RBM33: variants seen among roughly 807,000 people sequenced by gnomAD.
RBM33 encodes the protein RNA-binding protein 33.
RBM33 carries 28 observed loss-of-function variants against 132.6 expected under a neutral mutation model. That is an observed-to-expected ratio of 0.21 (90% CI 0.16 to 0.29). RBM33 has a LOEUF of 0.29. Ranked by LOEUF, RBM33 falls within the 10% of genes least tolerant of loss-of-function variation. The pLI, the probability that RBM33 is intolerant of heterozygous loss-of-function variation, is 1.00. For missense variants in RBM33, 1,291 were observed against 1,518.5 expected (o/e 0.85, Z 2.49); for synonymous variants, 634 against 593.0 (o/e 1.07, Z -1.01).
chr7:155,757,589 C>G (rs539311649), intron 14 of RBM33, among the ~76,000 whole-genome samples: 1 of 152,194 alleles, frequency 6.6e-6, no homozygotes, highest in South Asian at 2.1e-4. Flanking sequence ...CAAAGATGTT[C>G]CAGCGCTTAT....
chr7:155,718,968 C>CA (rs370977112), intron 9 of RBM33, among the ~76,000 whole-genome samples: 4 of 151,692 alleles, frequency 2.6e-5, no homozygotes, highest in Non-Finnish European at 5.9e-5. Flanking sequence ...CTCTCTCTCT[C>CA]ACACACACAC....
At chr7:155,692,020 C>T (rs1406706286) in intron 5 of RBM33, among the ~76,000 whole-genome samples, 1 of 146,504 alleles carries the variant, frequency 6.8e-6, no homozygotes, top group Middle Eastern at 3.5e-3. Context: ...CACTGCCCTC[C>T]AGTTTGGGTG....
chr7:155,751,337 A>T (rs2117046409), intron 14 of RBM33, among the ~76,000 whole-genome samples: 1 of 152,340 alleles, frequency 6.6e-6, no homozygotes, highest in South Asian at 2.1e-4. Flanking sequence ...GATTCAGCAC[A>T]CAGATACTCT....
In RBM33 at chr7:155,706,710, G is replaced by C. The variant is rs144128213; in HGVS notation, c.740-150G>C. On this transcript the variant is annotated intron_variant, in intron 6 of 17. Coordinates refer to ENST00000401878, the MANE Select transcript of RBM33 (RefSeq NM_053043.3). ...GGTTGTGTGTGTTGCTGGTTGTATC[G>C]TACTTGCCGCTGCTAGTTGGGTGTT... The C allele has an allele frequency of 1.1e-4, 66 of 616,934 alleles. No homozygotes were observed. The East Asian group carries it at 1.8e-3, about 16-fold the overall frequency. 38.2% of individuals were successfully genotyped at this position (616,934 alleles called of 1,614,324 possible). A position where few individuals can be genotyped will look rare whatever the true frequency, so the allele number is the denominator to read the frequency against.
rs1435733908 is a variant in RBM33 at position 155,775,222 on chromosome 7, C to CA, written c.*182dup. 3.4e-5 allele frequency: 24 copies of CA among 704,542 alleles called. No homozygotes were observed. The highest frequency in any genetic ancestry group is 7.0e-4 in the Middle Eastern group (2 of 2,870). 43.6% of individuals were successfully genotyped at this position (704,542 alleles called of 1,614,324 possible). A position where few individuals can be genotyped will look rare whatever the true frequency, so the allele number is the denominator to read the frequency against. ...TTCCAGAGGAGCCGAACTGACAGGA[C>CA]ACAGCAGGCTGGAGTTGGTGTTAGA... is the stretch of plus-strand genomic sequence containing the variant. On this transcript the variant is annotated 3_prime_UTR_variant, in exon 18 of 18. Coordinates refer to ENST00000401878, the MANE Select transcript of RBM33 (RefSeq NM_053043.3).
intron 9 of RBM33, among the ~76,000 whole-genome samples, chr7:155,730,765 C>T (rs1335607848): frequency 6.6e-6 from 1 of 152,164 alleles, no homozygotes; most frequent in Non-Finnish European, 1.5e-5. Flanking sequence ...AGAGAATTTT[C>T]GGGGCTTTGT....
chr7:155,676,696 C>T (rs1276768774), intron 3 of RBM33, among the ~76,000 whole-genome samples: 1 of 152,192 alleles, frequency 6.6e-6, no homozygotes, highest in East Asian at 1.9e-4. Flanking sequence ...GCAGAACCCC[C>T]TGGAGCCCGA....
intron 1 of RBM33, among the ~76,000 whole-genome samples, chr7:155,653,377 T>TA (rs1230220533): frequency 6.6e-6 from 1 of 152,104 alleles, no homozygotes; most frequent in Non-Finnish European, 1.5e-5. Context: ...TGTGGTATGA[T>TA]AAAAAATGAA....
chr7:155,680,658 A>C lies in RBM33; in HGVS notation c.317A>C (p.Asn106Thr). The change falls in exon 5 of 18, where the codon AAC (asparagine) becomes ACC (threonine). Residue 106 changes from asparagine (N) to threonine (T), a missense_variant. Asn to Thr is a moderately conservative substitution (Grantham distance 65). This residue lies in a region of RBM33 where 194 missense variants were observed against 249.8 expected (regional missense o/e 0.78). Transcript: ENST00000401878. Reference protein sequence around the residue: ...GMVTSFELSDNTNDQSGEQES... With the variant: ...GMVTSFELSDTTNDQSGEQES... Reference sequence around the variant, plus strand: ...GTTACATCATTTGAACTCTCTGACAACACTAACGACCAATCTGGAGAACAG... The same window carrying C: ...GTTACATCATTTGAACTCTCTGACACCACTAACGACCAATCTGGAGAACAG... The C allele has an allele frequency of 1.9e-6, 3 of 1,610,256 alleles. No homozygotes were observed. Among genetic ancestry groups the C allele is most frequent in the Non-Finnish European group, 2.5e-6 (3 of 1,178,280 alleles).
At chr7:155,742,227 G>A in intron 13 of RBM33, 121 bp downstream of exon 13, 2 of 890,510 alleles carry the variant, frequency 2.2e-6, no homozygotes, top group Non-Finnish European at 3.2e-6. Flanking sequence ...TTTCACCTGG[G>A]TCTTTTTTTT....
intron 2 of RBM33, among the ~76,000 whole-genome samples, chr7:155,669,815 GTC>G (rs1467526053): frequency 1.3e-5 from 2 of 152,174 alleles, no homozygotes; most frequent in African/African-American, 4.8e-5. Flanking sequence ...GGATACTGTA[GTC>G]TCTATTTCTT....
At chr7:155,747,306 T>G (rs1801548463) in intron 14 of RBM33, among the ~76,000 whole-genome samples, 1 of 152,232 alleles carries the variant, frequency 6.6e-6, no homozygotes, top group African/African-American at 2.4e-5. Context: ...TGTTTTTAAG[T>G]GTACTGTGTT....
intron 1 of RBM33, among the ~76,000 whole-genome samples, chr7:155,650,127 C>T (rs1420203158): frequency 1.3e-5 from 2 of 152,214 alleles, no homozygotes; most frequent in East Asian, 3.8e-4. Flanking sequence ...CCAGGTGACC[C>T]TGGTTAGTGG....
intron 13 of RBM33, among the ~76,000 whole-genome samples, chr7:155,744,064 A>G (rs892271912): frequency 5.9e-5 from 9 of 152,216 alleles, no homozygotes; most frequent in Non-Finnish European, 1.3e-4. Flanking sequence ...CGGGCACTCA[A>G]GCTCCAGGGC....
At position 155,685,102 on chromosome 7, in the gene RBM33, CCAGA is replaced by C. The variant is rs1358394727; in HGVS notation, c.567+4196_567+4199del. The stretch of plus-strand genomic sequence containing the variant: ...GTAAAAAGTTTGCTGTTTCCCTCCC[CCAGA>C]CTTAAAATGAGCATCTTTTTAGCAT... On this transcript the variant is annotated intron_variant, in intron 5 of 17. Coordinates refer to ENST00000401878, the MANE Select transcript of RBM33 (RefSeq NM_053043.3). The C allele has an allele frequency of 4.6e-6, 7 of 1,531,860 alleles. No homozygotes were observed. The African/African-American group carries it at 9.7e-5, about 21-fold the overall frequency. The allele number at this position is 1,531,860 out of a possible 1,614,324, so 94.9% of individuals were successfully genotyped here.
At chr7:155,713,921 G>T (rs1259742488) in intron 8 of RBM33, among the ~76,000 whole-genome samples, 1 of 152,058 alleles carries the variant, frequency 6.6e-6, no homozygotes, top group Non-Finnish European at 1.5e-5. Flanking sequence ...CCACAGCTGG[G>T]GCAGATGGAT....
intron 1 of RBM33, among the ~76,000 whole-genome samples, chr7:155,654,875 A>G (rs1199690868): frequency 6.6e-6 from 1 of 152,198 alleles, no homozygotes; most frequent in Non-Finnish European, 1.5e-5. Flanking sequence ...ATATGTTCAC[A>G]TGTGTGCACA....
At chr7:155,719,177 A>AT (rs551549296) in intron 9 of RBM33, among the ~76,000 whole-genome samples, 54 of 148,372 alleles carry the variant, frequency 3.6e-4, no homozygotes, top group African/African-American at 1.0e-3. Flanking sequence ...TAGAGAGTAC[A>AT]TTTTTTTTTT....
chr7:155,735,722 TCTCTCTCTCTCTCTCTCTCC>T (rs1425139511), intron 9 of RBM33, among the ~76,000 whole-genome samples: 9 of 135,400 alleles, frequency 6.6e-5, no homozygotes, highest in Non-Finnish European at 1.1e-4. Flanking sequence ...TCTCTCTGTC[TCTCTCTCTCTCTCTCTCTCC>T]CTCTCTCAGG....
Sources: allele counts gnomAD v4.1 joint callset (sites outside exome capture counted in the v4.1 genomes callset), GRCh38; gene constraint gnomAD v4.1.1; regional missense constraint gnomAD v4.1.1; transcripts MANE v1.5; gene names NCBI Gene and HGNC (gene_info 2026-07-23, HGNC 2026-07-21).